Variants in EIF4G3 observed in about 807,000 individuals in gnomAD.
The protein encoded by EIF4G3 is eIF-4-gamma 3.
Under a neutral mutation model 186.4 loss-of-function variants are expected in EIF4G3, and 34 were observed. The ratio of observed to expected loss-of-function variants is 0.18; its 90% confidence interval spans 0.14 to 0.24. The LOEUF is 0.24. EIF4G3 is among the 10% of genes least tolerant of loss of function. The pLI is 1.00. For synonymous variants in EIF4G3, 673 were observed against 679.5 expected, an observed-to-expected ratio of 0.99 and a Z score of 0.15; for missense variants, 1,536 against 1,948.5, an observed-to-expected ratio of 0.79 and a Z score of 3.99.
intron 10 of EIF4G3, among the ~76,000 whole-genome samples, chr1:20,973,661 TAC>T (rs1490682563): frequency 2.6e-5 from 4 of 152,318 alleles, no homozygotes; most frequent in African/African-American, 9.6e-5. Context: ...AAAGTCCAGA[TAC>T]TTAGAATCCA....
At chr1:20,847,519 A>G (rs560916264) in intron 29 of EIF4G3, among the ~76,000 whole-genome samples, 1 of 152,180 alleles carries the variant, frequency 6.6e-6, no homozygotes. Flanking sequence ...AGGGTTATTC[A>G]TTGACTTTGT....
At chr1:20,871,470 T>C (rs1415068363) in intron 20 of EIF4G3, among the ~76,000 whole-genome samples, 1 of 152,218 alleles carries the variant, frequency 6.6e-6, no homozygotes, top group Non-Finnish European at 1.5e-5. Flanking sequence ...GGAATGTCCC[T>C]GGTTGAGATC....
At chr1:21,059,030 T>C (rs2094737841) in intron 3 of EIF4G3, among the ~76,000 whole-genome samples, 2 of 152,078 alleles carry the variant, frequency 1.3e-5, no homozygotes, top group African/African-American at 2.4e-5. Context: ...TTAAAAAGTA[T>C]AGTAATTAAT....
chr1:21,055,572 A>G (rs1029646574), intron 3 of EIF4G3, among the ~76,000 whole-genome samples: 2 of 152,154 alleles, frequency 1.3e-5, no homozygotes, highest in African/African-American at 2.4e-5. Flanking sequence ...TTACTTTACT[A>G]TCTTCCCAGG....
chr1:20,840,074 G>A (rs3767242), intron 30 of EIF4G3, among the ~76,000 whole-genome samples: 5,002 of 152,258 alleles, frequency 0.033, 163 homozygotes, highest in East Asian at 0.12. Context: ...GCATCTGTCA[G>A]TGCTGGGTGT....
intron 2 of EIF4G3, among the ~76,000 whole-genome samples, chr1:21,101,563 A>AAAAAAAAAAAAC (rs1553241681): frequency 4.8e-5 from 1 of 20,810 alleles, no homozygotes; most frequent in Non-Finnish European, 1.4e-4. Context: ...GGGTCTCAGG[A>AAAAAAAAAAAAC]AAAAAAAAAA....
At chr1:20,958,346 C>T (rs572810992) in intron 12 of EIF4G3, among the ~76,000 whole-genome samples, 1 of 152,260 alleles carries the variant, frequency 6.6e-6, no homozygotes, top group South Asian at 2.1e-4. Context: ...CAAAATCCAG[C>T]ATCCCTTTAT....
chr1:21,018,864 G>A (rs754941608), intron 4 of EIF4G3, among the ~76,000 whole-genome samples: 1 of 151,834 alleles, frequency 6.6e-6, no homozygotes, highest in Non-Finnish European at 1.5e-5. Flanking sequence ...TCTGAAGCAG[G>A]TGTTGGTCTG....
chr1:20,841,716 C>G (rs1366612889), intron 29 of EIF4G3, among the ~76,000 whole-genome samples: 3 of 152,202 alleles, frequency 2.0e-5, no homozygotes. Context: ...TATCTTTGGT[C>G]TGAAGGGTGA....
chr1:20,810,745 T>C lies in EIF4G3; in HGVS notation c.4737A>G (p.Gln1579=). The C allele has an allele frequency of 6.2e-7, 1 of 1,612,774 alleles. No homozygotes were observed. Among genetic ancestry groups the C allele is most frequent in the South Asian group, 1.1e-5 (1 of 91,070 alleles). Residue 1579 remains glutamine (Q), a synonymous_variant, in exon 36 of 37, where the codon CAA becomes CAG. Transcript: ENST00000602326. This position sits in a 1 kb window ranked among gnomAD's most constrained non-coding sequence, Gnocchi z 4.1. ...ALQASIVKLD[Q]PANLLRMFFD... The stretch of plus-strand genomic sequence containing the variant: ...AACATGAGATAAACTTACTGGCAGG[T>C]TGATCAAGTTTTACTATCGATGCTT...
intron 4 of EIF4G3, among the ~76,000 whole-genome samples, chr1:21,035,686 G>A (rs749892882): frequency 1.5e-4 from 23 of 152,254 alleles, no homozygotes; most frequent in Admixed American, 2.6e-4. Context: ...GCAGTTCAGC[G>A]ATAGCCTGTG....
intron 2 of EIF4G3, among the ~76,000 whole-genome samples, chr1:21,155,262 CAAAAAA>C (rs34182850): frequency 6.9e-5 from 3 of 43,324 alleles, no homozygotes; most frequent in Non-Finnish European, 1.2e-4. Context: ...GACTCTGTCT[CAAAAAA>C]AAAAAAAAAA....
At chr1:20,912,794 G>C (rs2093404279) in intron 14 of EIF4G3, among the ~76,000 whole-genome samples, 1 of 152,146 alleles carries the variant, frequency 6.6e-6, no homozygotes, top group African/African-American at 2.4e-5. Flanking sequence ...TAGATAATAT[G>C]CAAGAACTTT....
At position 20,944,048 on chromosome 1, in the gene EIF4G3, G is replaced by A. The variant is rs900639096; in HGVS notation, c.824-1718C>T. On this transcript the variant is annotated intron_variant, in intron 13 of 36. Transcript: ENST00000602326. ...TGTGTGTGTGTGTGTGTGTATGTTC[G>A]TTCTAGATGGAACACACCATATATA... Among the ~76,000 whole-genome samples the A allele has an allele frequency of 3.2e-5, 4 of 125,614 alleles. No individual in the cohort carries two copies. In the East Asian group the frequency reaches 1.0e-3, roughly 33 times the overall value. The allele number at this position is 125,614 out of a possible 152,430, so 82.4% of individuals were successfully genotyped here.
chr1:21,023,291 C>T (rs1239764054), intron 4 of EIF4G3, among the ~76,000 whole-genome samples: 1 of 140,434 alleles, frequency 7.1e-6, no homozygotes, highest in Admixed American at 7.2e-5. Context: ...CGGTCTCCCT[C>T]TCTTTCCACG....
chr1:20,990,683 G>T (rs538718651), intron 7 of EIF4G3, among the ~76,000 whole-genome samples: 1 of 152,142 alleles, frequency 6.6e-6, no homozygotes, highest in East Asian at 1.9e-4. Context: ...AAAAGAGAAA[G>T]TATTTAATTA....
intron 3 of EIF4G3, among the ~76,000 whole-genome samples, chr1:21,084,804 C>A (rs1386879482): frequency 6.6e-6 from 1 of 151,952 alleles, no homozygotes; most frequent in Non-Finnish European, 1.5e-5. Flanking sequence ...CATTCTCTAT[C>A]CCTTTATCCT....
intron 20 of EIF4G3, among the ~76,000 whole-genome samples, chr1:20,868,074 GAT>G (rs1254636838): frequency 1.5e-5 from 2 of 136,230 alleles, no homozygotes; most frequent in Non-Finnish European, 3.1e-5. Flanking sequence ...TGAGAATAGT[GAT>G]TCATGGTGAT....
chr1:20,914,479 A>G (rs1206690547), intron 14 of EIF4G3, among the ~76,000 whole-genome samples: 1 of 152,180 alleles, frequency 6.6e-6, no homozygotes, highest in African/African-American at 2.4e-5. Flanking sequence ...GATAAAAAAG[A>G]CAAAGGAATA....
Sources: allele counts gnomAD v4.1 joint callset (sites outside exome capture counted in the v4.1 genomes callset), GRCh38; gene constraint gnomAD v4.1.1; non-coding constraint Gnocchi (gnomAD v3.1); transcripts MANE v1.5; gene names NCBI Gene and HGNC (gene_info 2026-07-23, HGNC 2026-07-21).